Variants in PLA2G6 observed in about 807,000 individuals in gnomAD.
The protein encoded by PLA2G6 is 85/88 kDa calcium-independent phospholipase A2.
PLA2G6 carries 62 observed loss-of-function variants against 83.8 expected under a neutral mutation model. That is an observed-to-expected ratio of 0.74 (90% CI 0.60 to 0.91). The LOEUF is 0.91. Ranked by LOEUF, PLA2G6 falls within the 40% of genes least tolerant of loss-of-function variation. The pLI, the probability that PLA2G6 is intolerant of heterozygous loss-of-function variation, is 0.00. For missense variants in PLA2G6, 944 were observed against 1,102.0 expected (o/e 0.86, Z 2.03); for synonymous variants, 417 against 449.8 (o/e 0.93, Z 0.92).
intron 13 of PLA2G6, 179 bp from the exon 14 acceptor site, chr22:38,115,860 G>A (rs1351349259): frequency 2.7e-6 from 4 of 1,475,024 alleles, no homozygotes; most frequent in Non-Finnish European, 2.7e-6. Context: ...CTGGTGGAAG[G>A]CAGGTACAGC....
chr22:38,120,043 C>A (rs1456762083), intron 12 of PLA2G6, among the ~76,000 whole-genome samples: 1 of 152,150 alleles, frequency 6.6e-6, no homozygotes, highest in Non-Finnish European at 1.5e-5. Flanking sequence ...GGATGCCGGG[C>A]CCCTAAGACT....
chr22:38,113,585 G>A lies in PLA2G6; in HGVS notation c.2104C>T (p.Pro702Ser), dbSNP rs546061827. Residue 702 changes from proline to serine, a missense_variant, in exon 15 of 17, where the codon CCT becomes TCT. Coordinates refer to ENST00000332509, the MANE Select transcript of PLA2G6 (RefSeq NM_003560.4). ...SLGTGRSPQV[P>S]VTCVDVFRPS... Reference sequence around the variant, plus strand: ...CGGAAGACATCCACACAGGTCACAGGCACTTGTGGGGACCTCCCTGTCCCC... The same window carrying A: ...CGGAAGACATCCACACAGGTCACAGACACTTGTGGGGACCTCCCTGTCCCC... The A allele has an allele frequency of 1.1e-5, 18 of 1,613,458 alleles. No homozygotes were observed. In the South Asian group the frequency reaches 1.5e-4, roughly 14 times the overall value.
At chr22:38,177,158 C>T (rs1260961156) in intron 1 of PLA2G6, among the ~76,000 whole-genome samples, 3 of 152,086 alleles carry the variant, frequency 2.0e-5, no homozygotes, top group Admixed American at 6.6e-5. Flanking sequence ...GGATTGCCTG[C>T]CTATGTCCTC....
At position 38,140,037 on chromosome 22, in the gene PLA2G6, T is replaced by C; in HGVS notation, c.742A>G (p.Ile248Val). 1 of 1,613,062 alleles carries C rather than the reference T, an allele frequency of 6.2e-7. No homozygotes were observed. Among genetic ancestry groups the C allele is most frequent in the South Asian group, 1.1e-5 (1 of 90,772 alleles). ...VLLLCNARCN[I>V]MGPNGYPIHS... The stretch of plus-strand genomic sequence containing the variant: ...ATGGGGTAGCCGTTGGGGCCCATGA[T>C]GTTGCACCGAGCATTGCACAGCAGC... Residue 248 changes from isoleucine to valine, a missense_variant, in exon 5 of 17, where the codon ATC (isoleucine) becomes GTC (valine). Transcript: ENST00000332509.
Position 38,112,612 on chromosome 22 carries a change from A to ACACCCCGCCCGGCCCG in PLA2G6, c.2203-51_2203-36dup, listed in dbSNP as rs938054432. Reference sequence around the variant, plus strand: ...AGCAGCCTTGGTGAGTGCCGGGCCCACACCCCGCCCGGCCCGCACCCCGCC... The same window carrying ACACCCCGCCCGGCCCG: ...AGCAGCCTTGGTGAGTGCCGGGCCCACACCCCGCCCGGCCCGCACCCCGCCCGGCCCGCACCCCGCC... On this transcript the variant is annotated intron_variant, in intron 15 of 16. Transcript: ENST00000332509. 15 of 1,517,812 alleles carry ACACCCCGCCCGGCCCG rather than the reference A, an allele frequency of 9.9e-6. No homozygotes were observed. In the African/African-American group the frequency reaches 1.5e-4, roughly 15 times the overall value. The allele number at this position is 1,517,812 out of a possible 1,614,324, so 94.0% of individuals were successfully genotyped here.
intron 2 of PLA2G6, chr22:38,149,493 A>G (rs2089451266): frequency 6.6e-6 from 1 of 152,248 alleles, no homozygotes; most frequent in Non-Finnish European, 1.5e-5. Flanking sequence ...ACAGAAGAAT[A>G]CAAAATATAG....
At chr22:38,112,675 A>C (rs2086951056) in intron 15 of PLA2G6, 98 bp from the exon 16 acceptor site, 1 of 1,028,914 alleles carries the variant, frequency 9.7e-7, no homozygotes, top group Non-Finnish European at 1.5e-6. Context: ...CAGCCTGGGG[A>C]GCCCCAGGCT....
rs528966598 is a variant in PLA2G6, at chr22:38,133,010, C to T, written c.898G>A (p.Ala300Thr). Residue 300 changes from alanine to threonine, a missense_variant, in exon 7 of 17, where the codon GCC (alanine) becomes ACC (threonine). Physicochemically the swap from Ala to Thr is moderately conservative, Grantham distance 58. Transcript: ENST00000332509. Reference protein sequence around the residue: ...PLHWAKNAEMARMLLKRGCNV... With the variant: ...PLHWAKNAEMTRMLLKRGCNV... ...CAGCCCCGTTTCAGCAGCATGCGGGCCATCTGCGGGAGACGGTCAGGCTGA... is the reference window on the plus strand; with the variant it reads ...CAGCCCCGTTTCAGCAGCATGCGGGTCATCTGCGGGAGACGGTCAGGCTGA... 2.8e-4 allele frequency: 431 copies of T among 1,561,942 alleles called. 8 individuals carry two copies. In the South Asian group the frequency reaches 4.5e-3, roughly 16 times the overall value.
At chr22:38,125,804 G>A in intron 10 of PLA2G6, 1 of 440,758 alleles carries the variant, frequency 2.3e-6, no homozygotes. Context: ...ACAGCACAGT[G>A]GCTGGAAACG....
intron 1 of PLA2G6, among the ~76,000 whole-genome samples, chr22:38,178,185 A>G (rs1419447405): frequency 6.6e-6 from 1 of 152,186 alleles, no homozygotes; most frequent in Non-Finnish European, 1.5e-5. Context: ...GTGGCACGGT[A>G]CAGTGTGGCC....
chr22:38,139,328 G>A (rs1337531012), intron 5 of PLA2G6: 2 of 152,188 alleles, frequency 1.3e-5, no homozygotes, highest in Non-Finnish European at 2.9e-5. Context: ...GGAAAGAGGA[G>A]ACCCCAAAGA....
At chr22:38,112,401 C>T (rs1665738751) in intron 16 of PLA2G6, 96 bp from the exon 17 acceptor site, 3 of 1,532,504 alleles carry the variant, frequency 2.0e-6, no homozygotes, top group Non-Finnish European at 2.7e-6. Flanking sequence ...ACAGAGCAGA[C>T]CCTTGGGGAA....
chr22:38,142,781 AGGC>A, intron 4 of PLA2G6: 1 of 409,096 alleles, frequency 2.4e-6, no homozygotes, highest in Non-Finnish European at 4.6e-6. Flanking sequence ...CCCTCCAGGC[AGGC>A]ATCTGGCTCA....
At chr22:38,140,339 C>T in intron 4 of PLA2G6, 170 bp from the exon 5 acceptor site, 1 of 642,714 alleles carries the variant, frequency 1.6e-6, no homozygotes, top group South Asian at 1.7e-5. Context: ...GAAATGTCGT[C>T]TCTTCTAACG....
chr22:38,139,799 A>G, intron 5 of PLA2G6, 183 bp downstream of exon 5: 1 of 603,630 alleles, frequency 1.7e-6, no homozygotes, highest in Admixed American at 2.8e-5. Context: ...TACCCATGAT[A>G]CAATGATGGA....
At chr22:38,169,172 G>T (rs754419192) in intron 2 of PLA2G6, 46 bp downstream of exon 2, 6 of 1,432,588 alleles carry the variant, frequency 4.2e-6, no homozygotes, top group Admixed American at 1.7e-5. Flanking sequence ...TCCGAGACGT[G>T]GGGGAGTGAA....
intron 16 of PLA2G6, 65 bp downstream of exon 16, chr22:38,112,439 G>A: frequency 6.6e-7 from 1 of 1,507,202 alleles, no homozygotes; most frequent in Non-Finnish European, 9.0e-7. Flanking sequence ...GGCTGGGAGG[G>A]GAAGGTCGGT....
At position 38,120,933 on chromosome 22, in the gene PLA2G6, G is replaced by A. The variant is rs1041768594; in HGVS notation, c.1592-24C>T. ...ACCTAGGAACAAAGGGGTCAGAGGC[G>A]GGGAGATGCAGCGGCCACACGCAGG... On this transcript the variant is annotated intron_variant, in intron 11 of 16. Transcript: ENST00000332509. 9.3e-6 allele frequency: 15 copies of A among 1,611,674 alleles called. No individual in the cohort carries two copies. The African/African-American group carries it at 9.3e-5, about 10-fold the overall frequency.
chr22:38,161,138 GA>G (rs1315796164), intron 2 of PLA2G6, among the ~76,000 whole-genome samples: 2 of 151,852 alleles, frequency 1.3e-5, no homozygotes, highest in Non-Finnish European at 2.9e-5. Context: ...TTTTTTTAAA[GA>G]AAAAAATAAC....
Sources: allele counts gnomAD v4.1 joint callset (sites outside exome capture counted in the v4.1 genomes callset), GRCh38; gene constraint gnomAD v4.1.1; transcripts MANE v1.5; gene names NCBI Gene and HGNC (gene_info 2026-07-23, HGNC 2026-07-21).